Variants in NMNAT2 observed in about 807,000 individuals in gnomAD.
NMNAT2 encodes nicotinamide nucleotide adenylyltransferase 2.
Under a neutral mutation model 41.6 loss-of-function variants are expected in NMNAT2, and 11 were observed. The ratio of observed to expected loss-of-function variants is 0.26; its 90% confidence interval spans 0.17 to 0.44. NMNAT2 has a LOEUF of 0.44. Ranked by LOEUF, NMNAT2 falls within the 20% of genes least tolerant of loss-of-function variation. The pLI, the probability that NMNAT2 is intolerant of heterozygous loss-of-function variation, is 1.00. For synonymous variants in NMNAT2, 148 were observed against 151.2 expected, an observed-to-expected ratio of 0.98 and a Z score of 0.16; for missense variants, 288 against 407.7, an observed-to-expected ratio of 0.71 and a Z score of 2.53.
At chr1:183,369,499 G>A (rs1367659968) in intron 1 of NMNAT2, among the ~76,000 whole-genome samples, 5 of 151,838 alleles carry the variant, frequency 3.3e-5, no homozygotes, top group African/African-American at 7.3e-5. Context: ...GGATGGTCTC[G>A]ATCTCCTGAC....
At chr1:183,324,776 C>T (rs1253102338) in intron 1 of NMNAT2, among the ~76,000 whole-genome samples, 1 of 152,154 alleles carries the variant, frequency 6.6e-6, no homozygotes. Context: ...CCTCTTAGCA[C>T]TTCACACTGT....
intron 1 of NMNAT2, among the ~76,000 whole-genome samples, chr1:183,311,537 C>G (rs757891467): frequency 6.6e-6 from 1 of 152,002 alleles, no homozygotes; most frequent in Non-Finnish European, 1.5e-5. Flanking sequence ...AGGCCTGTCC[C>G]CAGTCAAGCT....
chr1:183,399,647 G>A (rs1260307585), intron 1 of NMNAT2, among the ~76,000 whole-genome samples: 1 of 152,070 alleles, frequency 6.6e-6, no homozygotes, highest in South Asian at 2.1e-4. Context: ...GATGAACATC[G>A]ATGCAAAAAT....
At position 183,385,350 on chromosome 1, in the gene NMNAT2, G is replaced by A. The variant is rs563381570; in HGVS notation, c.85+32833C>T. On this transcript the variant is annotated intron_variant, in intron 1 of 10. Coordinates refer to ENST00000287713, the MANE Select transcript of NMNAT2 (RefSeq NM_015039.4). ...CTAAAGCAATAGCCTAAAACCCACA[G>A]ACACCAGAAATTTCTGGAAAAATAT... 1.1e-3 allele frequency among the ~76,000 whole-genome samples: 175 copies of A among 152,272 alleles called. 1 individual carries two copies. Among genetic ancestry groups the A allele is most frequent in the African/African-American group, 3.7e-3 (153 of 41,558 alleles).
At chr1:183,290,105 TC>T in intron 4 of NMNAT2, 22 bp downstream of exon 4, 1 of 1,554,312 alleles carries the variant, frequency 6.4e-7, no homozygotes, top group Non-Finnish European at 8.7e-7. Flanking sequence ...GGTTCACGCA[TC>T]CCCAGGCTTG....
chr1:183,354,409 CTTTTTTTT>C, intron 1 of NMNAT2, among the ~76,000 whole-genome samples: 1 of 89,670 alleles, frequency 1.1e-5, no homozygotes, highest in Non-Finnish European at 2.1e-5. Flanking sequence ...TCTTTAATGT[CTTTTTTTT>C]TTTTTTTTTT....
At chr1:183,358,442 C>G (rs1426260871) in intron 1 of NMNAT2, among the ~76,000 whole-genome samples, 1 of 152,128 alleles carries the variant, frequency 6.6e-6, no homozygotes, top group African/African-American at 2.4e-5. Flanking sequence ...ACTTAAAAAA[C>G]TAGAACATCT....
chr1:183,324,251 A>T (rs1238642520), intron 1 of NMNAT2, among the ~76,000 whole-genome samples: 3 of 152,240 alleles, frequency 2.0e-5, no homozygotes, highest in Non-Finnish European at 2.9e-5. Context: ...GCACATCCGG[A>T]CAGAAGGAAA....
chr1:183,363,567 CACACACACACAT>C (rs1456032207), intron 1 of NMNAT2, among the ~76,000 whole-genome samples: 1 of 126,206 alleles, frequency 7.9e-6, no homozygotes, highest in Non-Finnish European at 1.7e-5. Context: ...CCCCTAGAGA[CACACACACACAT>C]ACACACACAC....
At chr1:183,276,672 T>C (rs1272501368) in intron 8 of NMNAT2, among the ~76,000 whole-genome samples, 1 of 152,194 alleles carries the variant, frequency 6.6e-6, no homozygotes, top group Non-Finnish European at 1.5e-5. Flanking sequence ...TCTAAATTCC[T>C]CCAGGACGGC....
At chr1:183,271,821 C>T (rs558946101) in intron 8 of NMNAT2, among the ~76,000 whole-genome samples, 15 of 152,026 alleles carry the variant, frequency 9.9e-5, no homozygotes, top group South Asian at 8.3e-4. Flanking sequence ...GGCGCTCTCT[C>T]GGCTCCCTGC....
At chr1:183,255,893 AC>A (rs942601348) in intron 10 of NMNAT2, among the ~76,000 whole-genome samples, 2 of 151,348 alleles carry the variant, frequency 1.3e-5, no homozygotes, top group Non-Finnish European at 2.9e-5. Context: ...CTAACTCCTA[AC>A]CTCAAGTGAT....
intron 1 of NMNAT2, among the ~76,000 whole-genome samples, chr1:183,368,410 G>A (rs1027440343): frequency 1.3e-5 from 2 of 152,130 alleles, no homozygotes; most frequent in African/African-American, 4.8e-5. Context: ...CCTGCCCCTG[G>A]GCTGCGCTGT....
chr1:183,372,208 G>A (rs530955501), intron 1 of NMNAT2, among the ~76,000 whole-genome samples: 21 of 152,304 alleles, frequency 1.4e-4, no homozygotes, highest in Admixed American at 8.5e-4. Flanking sequence ...AAACAAGGGC[G>A]TGCCTCTCAA....
chr1:183,368,260 A>G (rs1465995428), intron 1 of NMNAT2, among the ~76,000 whole-genome samples: 1 of 152,164 alleles, frequency 6.6e-6, no homozygotes, highest in Non-Finnish European at 1.5e-5. Context: ...ATTAGCTCGG[A>G]GGGCTTTGCA....
intron 3 of NMNAT2, among the ~76,000 whole-genome samples, chr1:183,292,325 G>T (rs1290749344): frequency 1.3e-5 from 2 of 152,208 alleles, no homozygotes; most frequent in African/African-American, 2.4e-5. Flanking sequence ...TGCCCTTAGG[G>T]GCAGGCCCGC....
intron 1 of NMNAT2, among the ~76,000 whole-genome samples, chr1:183,356,226 C>G (rs1056035978): frequency 1.4e-4 from 22 of 152,174 alleles, no homozygotes; most frequent in African/African-American, 5.3e-4. Flanking sequence ...TTTTACATTC[C>G]TCCTTTAGTA....
intron 1 of NMNAT2, among the ~76,000 whole-genome samples, chr1:183,401,537 C>A (rs1393858177): frequency 6.6e-6 from 1 of 152,168 alleles, no homozygotes; most frequent in Non-Finnish European, 1.5e-5. Context: ...ACTAGAAATA[C>A]CATTTGACCC....
At chr1:183,284,311 C>T (rs915842732) in intron 6 of NMNAT2, among the ~76,000 whole-genome samples, 2 of 152,214 alleles carry the variant, frequency 1.3e-5, no homozygotes, top group African/African-American at 4.8e-5. Flanking sequence ...AACACACACA[C>T]GCTCATGCTG....
Sources: allele counts gnomAD v4.1 joint callset (sites outside exome capture counted in the v4.1 genomes callset), GRCh38; gene constraint gnomAD v4.1.1; transcripts MANE v1.5; gene names NCBI Gene and HGNC (gene_info 2026-07-23, HGNC 2026-07-21).